PRKX: variants seen among roughly 807,000 people sequenced by gnomAD.
The protein encoded by PRKX is cAMP-dependent protein kinase catalytic subunit PRKX.
A neutral mutation model predicts 22.0 loss-of-function variants in PRKX; 12 were observed. The observed-to-expected ratio is 0.54, with a 90% CI of 0.35 to 0.88. The LOEUF (loss-of-function observed/expected upper bound fraction) is 0.88, where lower values mean the gene tolerates loss of function less well. Among genes scored for constraint, PRKX ranks in the 40% least tolerant of loss-of-function variants. PRKX has a pLI of 0.01. For missense variants in PRKX, 217 were observed against 308.0 expected, an observed-to-expected ratio of 0.70 and a Z score of 2.21; for synonymous variants, 134 against 137.7, an observed-to-expected ratio of 0.97 and a Z score of 0.19.
intron 3 of PRKX, among the ~76,000 whole-genome samples, chrX:3,653,035 C>T (rs1279164480): frequency 9.0e-6 from 1 of 111,051 alleles, no homozygotes. Flanking sequence ...TTTGTCAAGA[C>T]AGACTGGTTA....
rs1926135002 is a variant in PRKX, at chrX:3,605,038, CACACACACACACACACACACA to C, written c.*3910_*3930del. ...ACACACACACACACACACACACACA[CACACACACACACACACACACA>C]CCCCGCAAAGAAACTATCCAAATGC... is the stretch of plus-strand genomic sequence containing the variant. On this transcript the variant is annotated 3_prime_UTR_variant, in exon 9 of 9. Transcript: ENST00000262848. 2 of 107,184 alleles carry C rather than the reference CACACACACACACACACACACA, an allele frequency of 1.9e-5. No individual in the cohort carries two copies. The highest frequency in any genetic ancestry group is 6.9e-5 in the African/African-American group (2 of 28,886). The allele number at this position is 107,184 out of a possible 1,213,427, so 8.8% of individuals were successfully genotyped here. A position where few individuals can be genotyped will look rare whatever the true frequency, so the allele number is the denominator to read the frequency against.
At chrX:3,693,939 C>CAAAAAA (rs1230845031) in intron 1 of PRKX, among the ~76,000 whole-genome samples, 5 of 32,961 alleles carry the variant, frequency 1.5e-4, no homozygotes, top group Admixed American at 3.7e-4. Flanking sequence ...GACTCCGTCT[C>CAAAAAA]AAAAAAAAAA....
intron 1 of PRKX, among the ~76,000 whole-genome samples, chrX:3,703,581 T>G (rs1238250629): frequency 9.1e-6 from 1 of 110,038 alleles, no homozygotes; most frequent in Non-Finnish European, 1.9e-5. Flanking sequence ...CAGGGTAGGG[T>G]GAGTCTCCTG....
At chrX:3,664,824 G>T (rs1030632562) in intron 2 of PRKX, among the ~76,000 whole-genome samples, 1 of 111,907 alleles carries the variant, frequency 8.9e-6, no homozygotes, top group African/African-American at 3.3e-5. Context: ...GGGAAGGCTG[G>T]GAAGGGGTTG....
intron 2 of PRKX, 131 bp from the exon 3 acceptor site, chrX:3,655,543 G>T (rs1289292508): frequency 2.7e-6 from 2 of 737,342 alleles, no homozygotes; most frequent in African/African-American, 4.2e-5. Flanking sequence ...AATAGCTGGG[G>T]ACAGATGTCG....
At chrX:3,620,229 C>T (rs1389770245) in intron 6 of PRKX, among the ~76,000 whole-genome samples, 1 of 112,058 alleles carries the variant, frequency 8.9e-6, no homozygotes, top group African/African-American at 3.2e-5. Context: ...GAGGTCTGCC[C>T]ACACAATCGA....
intron 1 of PRKX, among the ~76,000 whole-genome samples, chrX:3,686,402 GA>G (rs1395473922): frequency 4.0e-5 from 4 of 99,628 alleles, no homozygotes; most frequent in Non-Finnish European, 5.9e-5. Flanking sequence ...GAAAGCTGAT[GA>G]TTTTTTTTTT....
rs1329244459 is a variant in PRKX at position 3,688,542 on chromosome X, A to AG, written c.167-13777dup. Among the ~76,000 whole-genome samples the AG allele has an allele frequency of 8.0e-5, 7 of 87,624 alleles. 1 individual carries two copies. Among genetic ancestry groups the AG allele is most frequent in the Non-Finnish European group, 1.7e-4 (7 of 40,244 alleles). 76.1% of individuals were successfully genotyped at this position (87,624 alleles called of 115,157 possible). A position where few individuals can be genotyped will look rare whatever the true frequency, so the allele number is the denominator to read the frequency against. ...CAGTTACCTGCCACATTAGCTTGGG[A>AG]GGGAACATGCTCTTGTTCCACACCT... On this transcript the variant is annotated intron_variant, in intron 1 of 8. Transcript: ENST00000262848.
intron 2 of PRKX, among the ~76,000 whole-genome samples, chrX:3,662,998 TAAAA>T (rs56411206): frequency 1.3e-5 from 1 of 78,490 alleles, no homozygotes; most frequent in African/African-American, 4.9e-5. Context: ...GCCCTGTCTT[TAAAA>T]AAAAAAAAAA....
chrX:3,698,060 C>T (rs1268762880), intron 1 of PRKX, among the ~76,000 whole-genome samples: 1 of 112,290 alleles, frequency 8.9e-6, no homozygotes, highest in Non-Finnish European at 1.9e-5. Flanking sequence ...CTTTCCCACA[C>T]AATGCGGCCA....
rs757216676 is a variant in PRKX, at chrX:3,669,372, T to A, written c.335+5226A>T. Among the ~76,000 whole-genome samples the A allele has an allele frequency of 5.4e-5, 6 of 111,913 alleles. No homozygotes were observed. The South Asian group carries it at 2.2e-3, about 42-fold the overall frequency. On this transcript the variant is annotated intron_variant, in intron 2 of 8. Coordinates refer to ENST00000262848, the MANE Select transcript of PRKX (RefSeq NM_005044.5). ...CATCCATCCATCCATCCATCAACTA[T>A]CTGTCACAGTGGTTCACAACTGGGG...
At chrX:3,701,974 G>T (rs759129057) in intron 1 of PRKX, among the ~76,000 whole-genome samples, 6 of 112,007 alleles carry the variant, frequency 5.4e-5, no homozygotes, top group East Asian at 5.6e-4. Flanking sequence ...AGCAGCCCTC[G>T]AAGCCACTCT....
intron 6 of PRKX, 99 bp downstream of exon 6, chrX:3,621,160 C>CTT (rs1569041316): frequency 2.8e-6 from 2 of 706,227 alleles, no homozygotes; most frequent in East Asian, 6.9e-5. Flanking sequence ...TAAATACGAC[C>CTT]GCTAAGCCTT....
At chrX:3,682,035 G>A (rs1277587545) in intron 1 of PRKX, among the ~76,000 whole-genome samples, 1 of 111,405 alleles carries the variant, frequency 9.0e-6, no homozygotes, top group Non-Finnish European at 1.9e-5. Context: ...TAAACACAGG[G>A]ACCGTGACAT....
In PRKX at chrX:3,605,418, G is replaced by A. The variant is rs1926146134; in HGVS notation, c.*3551C>T. ...AGTAGCTGGAGCAATGAATGATTGT[G>A]ACATTCTGGTGGGGTATTTGTGCAG... On this transcript the variant is annotated 3_prime_UTR_variant, in exon 9 of 9. Transcript: ENST00000262848. 8.9e-6 allele frequency: 1 copy of A among 112,128 alleles called. No homozygotes were observed. Among genetic ancestry groups the A allele is most frequent in the Non-Finnish European group, 1.9e-5 (1 of 53,265 alleles). The allele number at this position is 112,128 out of a possible 1,213,427, so 9.2% of individuals were successfully genotyped here.
chrX:3,636,953 T>C (rs1478523615), intron 4 of PRKX, among the ~76,000 whole-genome samples: 4 of 73,469 alleles, frequency 5.4e-5, no homozygotes. Context: ...GGAAAGGAAA[T>C]GAAAGGAAAG....
chrX:3,619,891 C>T (rs1423651053), intron 6 of PRKX, among the ~76,000 whole-genome samples: 1 of 111,472 alleles, frequency 9.0e-6, no homozygotes, highest in African/African-American at 3.3e-5. Flanking sequence ...AGGGTCAAGA[C>T]GTATATGGAA....
intron 4 of PRKX, among the ~76,000 whole-genome samples, chrX:3,638,009 A>T (rs1926931153): frequency 9.1e-6 from 1 of 110,151 alleles, no homozygotes; most frequent in African/African-American, 3.3e-5. Context: ...TGATCCAACC[A>T]CCTCGGCCTC....
chrX:3,625,146 C>A lies in PRKX; in HGVS notation c.815+1273G>T, dbSNP rs73438435. Among the ~76,000 whole-genome samples, 682 of 111,640 alleles carry A rather than the reference C, an allele frequency of 6.1e-3. 4 individuals carry two copies. The highest frequency in any genetic ancestry group is 0.021 in the African/African-American group (650 of 30,728). ...TCATTGTTAAGCGGAGCCTCGTTTT[C>A]TTGCTAAAGTCTTTTAAAGCCTGCC... On this transcript the variant is annotated intron_variant, in intron 5 of 8. Transcript: ENST00000262848.
Sources: gnomAD v4.1 joint callset for allele counts (sites outside exome capture counted in the v4.1 genomes callset) on GRCh38, gnomAD v4.1.1 for gene constraint, MANE v1.5 for transcripts, NCBI Gene and HGNC (gene_info 2026-07-23, HGNC 2026-07-21) for gene names.